ADAM32: variants seen among roughly 807,000 people sequenced by gnomAD.
The protein encoded by ADAM32 is ADAM metallopeptidase domain 32.
A neutral mutation model predicts 114.9 loss-of-function variants in ADAM32; 89 were observed. That is an observed-to-expected ratio of 0.77 (90% CI 0.65 to 0.92). ADAM32 has a LOEUF of 0.92. Among genes scored for constraint, ADAM32 ranks in the 40% least tolerant of loss-of-function variants. The probability of loss-of-function intolerance (pLI) is 0.00; values close to 1 mark genes in which losing one functional copy is unlikely to be tolerated. For synonymous variants in ADAM32, 285 were observed against 307.5 expected, an observed-to-expected ratio of 0.93 and a Z score of 0.77; for missense variants, 870 against 932.8, an observed-to-expected ratio of 0.93 and a Z score of 0.88.
intron 20 of ADAM32, among the ~76,000 whole-genome samples, chr8:39,272,632 A>T (rs1359508580): frequency 6.6e-6 from 1 of 152,172 alleles, no homozygotes; most frequent in Non-Finnish European, 1.5e-5. Flanking sequence ...CTTACAATGA[A>T]TGGAACTTGC....
At chr8:39,232,560 A>G (rs866387877) in intron 15 of ADAM32, among the ~76,000 whole-genome samples, 6 of 152,298 alleles carry the variant, frequency 3.9e-5, no homozygotes, top group Admixed American at 1.3e-4. Context: ...GGACCCTACT[A>G]TATGCCAGAC....
chr8:39,170,709 G>GAT (rs1805133619), intron 10 of ADAM32, among the ~76,000 whole-genome samples: 2 of 151,726 alleles, frequency 1.3e-5, no homozygotes, highest in Non-Finnish European at 2.9e-5. Flanking sequence ...CATTTTGATT[G>GAT]ATATATATAT....
chr8:39,162,631 GC>G (rs1240148123), intron 7 of ADAM32, among the ~76,000 whole-genome samples: 1 of 152,066 alleles, frequency 6.6e-6, no homozygotes, highest in African/African-American at 2.4e-5. Flanking sequence ...ATTCCAAATT[GC>G]CAGGTTTTCA....
intron 11 of ADAM32, among the ~76,000 whole-genome samples, chr8:39,205,932 AT>A (rs1023605442): frequency 6.6e-5 from 10 of 151,764 alleles, no homozygotes; most frequent in African/African-American, 1.9e-4. Flanking sequence ...TTAGAGGAAT[AT>A]TTTTTCTTTC....
chr8:39,265,843 A>G (rs1005398312), intron 19 of ADAM32, among the ~76,000 whole-genome samples: 3 of 152,194 alleles, frequency 2.0e-5, no homozygotes, highest in Non-Finnish European at 4.4e-5. Context: ...AGGACCTGTT[A>G]TAAGGTAGGT....
chr8:39,251,797 A>G (rs935627057), intron 17 of ADAM32, among the ~76,000 whole-genome samples: 2 of 151,752 alleles, frequency 1.3e-5, no homozygotes, highest in African/African-American at 4.8e-5. Flanking sequence ...TTACATAATC[A>G]GTGTCTTAGA....
At chr8:39,267,420 T>C (rs1812436432) in intron 19 of ADAM32, among the ~76,000 whole-genome samples, 2 of 152,366 alleles carry the variant, frequency 1.3e-5, no homozygotes, top group African/African-American at 2.4e-5. Context: ...CAATAGTTTG[T>C]TCCTTTTTAT....
At chr8:39,168,443 C>T (rs1005107635) in intron 9 of ADAM32, 3 of 152,248 alleles carry the variant, frequency 2.0e-5, no homozygotes, top group South Asian at 2.1e-4. Flanking sequence ...TGGTGGCAGG[C>T]ACAGATGTGA....
At chr8:39,207,164 C>T (rs912265470) in intron 11 of ADAM32, among the ~76,000 whole-genome samples, 4 of 152,174 alleles carry the variant, frequency 2.6e-5, no homozygotes, top group African/African-American at 4.8e-5. Flanking sequence ...CTCTGCTCCT[C>T]TGTCTTTCTA....
chr8:39,283,508 C>T, intron 23 of ADAM32, 78 bp from the exon 24 acceptor site: 1 of 1,157,062 alleles, frequency 8.6e-7, no homozygotes, highest in Non-Finnish European at 1.2e-6. Flanking sequence ...GAAGAAATTG[C>T]CATAACAAAT....
chr8:39,136,446 G>C (rs1354545461), intron 2 of ADAM32, among the ~76,000 whole-genome samples: 1 of 151,950 alleles, frequency 6.6e-6, no homozygotes, highest in African/African-American at 2.4e-5. Context: ...CCTTAGACTG[G>C]GTTTATTTGT....
chr8:39,228,948 T>TA (rs1809562514), intron 14 of ADAM32, among the ~76,000 whole-genome samples: 1 of 152,142 alleles, frequency 6.6e-6, no homozygotes, highest in Non-Finnish European at 1.5e-5. Context: ...CCAGGTAACC[T>TA]AAAAAGGAAG....
At chr8:39,143,033 C>T (rs796372932) in intron 3 of ADAM32, among the ~76,000 whole-genome samples, 45 of 152,260 alleles carry the variant, frequency 3.0e-4, no homozygotes, top group African/African-American at 9.9e-4. Context: ...ATGAAGCTCT[C>T]GTGCCATGGT....
intron 2 of ADAM32, among the ~76,000 whole-genome samples, chr8:39,131,017 C>T (rs1376723830): frequency 9.9e-5 from 14 of 141,076 alleles, no homozygotes; most frequent in Admixed American, 5.4e-4. Flanking sequence ...AGTGCAGTGG[C>T]GTGATCTCGG....
intron 11 of ADAM32, among the ~76,000 whole-genome samples, chr8:39,188,024 G>C (rs938757896): frequency 1.3e-5 from 2 of 151,876 alleles, no homozygotes; most frequent in African/African-American, 4.8e-5. Context: ...CTATGACGTG[G>C]GTAACCTATC....
At chr8:39,201,104 A>C (rs968312264) in intron 11 of ADAM32, among the ~76,000 whole-genome samples, 7 of 152,076 alleles carry the variant, frequency 4.6e-5, no homozygotes, top group African/African-American at 1.7e-4. Flanking sequence ...CTTGGCAATG[A>C]GGGCTCTTTT....
At chr8:39,272,657 C>T (rs1812808806) in intron 20 of ADAM32, among the ~76,000 whole-genome samples, 1 of 152,102 alleles carries the variant, frequency 6.6e-6, no homozygotes, top group Non-Finnish European at 1.5e-5. Flanking sequence ...CTGGAAGTTG[C>T]TCCGGGTGAG....
intron 16 of ADAM32, among the ~76,000 whole-genome samples, chr8:39,237,888 C>T (rs1417214163): frequency 6.6e-6 from 1 of 152,142 alleles, no homozygotes; most frequent in East Asian, 1.9e-4. Flanking sequence ...ACCTGGGTGA[C>T]CTTAGGGCAA....
chr8:39,256,618 GTTC>G (rs1273003729), intron 18 of ADAM32, among the ~76,000 whole-genome samples: 2 of 152,012 alleles, frequency 1.3e-5, no homozygotes, highest in African/African-American at 2.4e-5. Flanking sequence ...GCAAAATGAA[GTTC>G]TTCTCCTCAT....
Sources: allele counts gnomAD v4.1 joint callset (sites outside exome capture counted in the v4.1 genomes callset), GRCh38; gene constraint gnomAD v4.1.1; transcripts MANE v1.5; gene names NCBI Gene and HGNC (gene_info 2026-07-23, HGNC 2026-07-21).